ADGRB3: variants seen among roughly 807,000 people sequenced by gnomAD.
ADGRB3 encodes the protein brain-specific angiogenesis inhibitor 3.
In ADGRB3, 37 loss-of-function variants were observed where a neutral mutation model predicts 193.4. That is an observed-to-expected ratio of 0.19 (90% CI 0.15 to 0.25). The LOEUF (loss-of-function observed/expected upper bound fraction) is 0.25, where lower values mean the gene tolerates loss of function less well. Among genes scored for constraint, ADGRB3 ranks in the 10% least tolerant of loss-of-function variants. The pLI is 1.00. For synonymous variants in ADGRB3, 690 were observed against 644.2 expected (o/e 1.07, Z -1.08); for missense variants, 1,637 against 1,852.9 (o/e 0.88, Z 2.14).
At chr6:69,048,870 ATTAAG>A (rs1199806261) in intron 14 of ADGRB3, among the ~76,000 whole-genome samples, 1 of 152,162 alleles carries the variant, frequency 6.6e-6, no homozygotes. Context: ...TTGAGAAAAA[ATTAAG>A]TTTTTAGAAC....
intron 31 of ADGRB3, among the ~76,000 whole-genome samples, chr6:69,387,662 G>A (rs988922496): frequency 4.6e-5 from 7 of 151,922 alleles, no homozygotes; most frequent in Middle Eastern, 3.2e-3. Flanking sequence ...AGCCTCCCAC[G>A]TAGCTAGAAT....
chr6:69,351,258 A>G (rs1222234200), intron 26 of ADGRB3, among the ~76,000 whole-genome samples: 1 of 150,404 alleles, frequency 6.6e-6, no homozygotes, highest in Non-Finnish European at 1.5e-5. Context: ...ACGCCCTGCT[A>G]ATTTTTGTAT....
intron 17 of ADGRB3, among the ~76,000 whole-genome samples, chr6:69,200,838 T>C (rs551508175): frequency 6.6e-6 from 1 of 152,120 alleles, no homozygotes; most frequent in East Asian, 1.9e-4. Flanking sequence ...CAGGGAGAAA[T>C]AAAAGAAAAG....
At chr6:68,980,982 GTTATTA>G (rs1742323114) in intron 10 of ADGRB3, among the ~76,000 whole-genome samples, 1 of 151,546 alleles carries the variant, frequency 6.6e-6, no homozygotes, top group Non-Finnish European at 1.5e-5. Context: ...TTCAGTAACT[GTTATTA>G]TTATTACTAA....
chr6:68,678,855 A>T (rs1764826595), intron 3 of ADGRB3, among the ~76,000 whole-genome samples: 1 of 152,186 alleles, frequency 6.6e-6, no homozygotes, highest in South Asian at 2.1e-4. Context: ...AATAATGCTA[A>T]TAGTAGTAAT....
chr6:69,267,896 T>C (rs1197296512), intron 20 of ADGRB3, among the ~76,000 whole-genome samples: 3 of 152,106 alleles, frequency 2.0e-5, no homozygotes, highest in Non-Finnish European at 4.4e-5. Context: ...GGTTTCCAGT[T>C]TCCTGTTTCA....
chr6:68,788,100 A>C (rs932466335), intron 3 of ADGRB3, among the ~76,000 whole-genome samples: 2 of 152,272 alleles, frequency 1.3e-5, no homozygotes, highest in African/African-American at 4.8e-5. Flanking sequence ...CTTTTCAAAA[A>C]ACCAGCTCCT....
chr6:69,174,021 G>C (rs1362059773), intron 17 of ADGRB3, among the ~76,000 whole-genome samples: 1 of 152,164 alleles, frequency 6.6e-6, no homozygotes, highest in Non-Finnish European at 1.5e-5. Context: ...ATTACTTGCT[G>C]TAAAGTAGTA....
intron 5 of ADGRB3, among the ~76,000 whole-genome samples, chr6:68,943,149 T>C (rs1413109123): frequency 6.6e-6 from 1 of 152,164 alleles, no homozygotes; most frequent in African/African-American, 2.4e-5. Flanking sequence ...CATCTTCTGG[T>C]TTCATCGTCA....
intron 17 of ADGRB3, chr6:69,232,921 C>T (rs1321921282): frequency 2.1e-6 from 1 of 477,792 alleles, no homozygotes; most frequent in Non-Finnish European, 3.7e-6. Flanking sequence ...CTCTTTACAC[C>T]CTGAGTATTT....
chr6:68,795,029 C>A (rs540900050), intron 3 of ADGRB3, among the ~76,000 whole-genome samples: 7 of 152,020 alleles, frequency 4.6e-5, no homozygotes, highest in Middle Eastern at 3.4e-3. Flanking sequence ...TTGAGATGAT[C>A]TAAAATACAC....
intron 8 of ADGRB3, among the ~76,000 whole-genome samples, chr6:68,965,311 G>A (rs899664963): frequency 6.6e-6 from 1 of 152,142 alleles, no homozygotes; most frequent in Non-Finnish European, 1.5e-5. Context: ...AATTAGAGCT[G>A]TAAGTCATTG....
At chr6:69,043,286 A>AAT (rs1562134660) in intron 13 of ADGRB3, among the ~76,000 whole-genome samples, 4 of 124,144 alleles carry the variant, frequency 3.2e-5, no homozygotes, top group Non-Finnish European at 5.1e-5. Context: ...GAAAGGAAGA[A>AAT]AGAGAGAAAG....
At chr6:69,079,283 G>C (rs1772320150) in intron 17 of ADGRB3, among the ~76,000 whole-genome samples, 1 of 152,012 alleles carries the variant, frequency 6.6e-6, no homozygotes, top group Admixed American at 6.6e-5. Context: ...TAAATTCAAA[G>C]TGATTTTCTC....
At chr6:69,126,903 C>CT (rs985562085) in intron 17 of ADGRB3, among the ~76,000 whole-genome samples, 1 of 152,190 alleles carries the variant, frequency 6.6e-6, no homozygotes, top group East Asian at 1.9e-4. Context: ...TTAAAGGACT[C>CT]TTTTTCTCCT....
chr6:69,314,426 GAC>G (rs1768268377), intron 20 of ADGRB3, among the ~76,000 whole-genome samples: 2 of 151,460 alleles, frequency 1.3e-5, no homozygotes, highest in African/African-American at 4.8e-5. Flanking sequence ...ACTTTATATT[GAC>G]AGTTTCTTCT....
intron 6 of ADGRB3, among the ~76,000 whole-genome samples, chr6:68,947,839 A>C (rs1050239467): frequency 2.0e-5 from 3 of 152,124 alleles, no homozygotes; most frequent in Non-Finnish European, 4.4e-5. Flanking sequence ...TAGAAGTAGT[A>C]TGTTAACGCC....
intron 30 of ADGRB3, among the ~76,000 whole-genome samples, chr6:69,378,059 G>C (rs562120687): frequency 1.1e-4 from 16 of 152,058 alleles, no homozygotes; most frequent in African/African-American, 3.4e-4. Flanking sequence ...AAGGTATTCA[G>C]TATACATTTA....
intron 20 of ADGRB3, among the ~76,000 whole-genome samples, chr6:69,260,033 C>T (rs755396102): frequency 6.6e-6 from 1 of 152,056 alleles, no homozygotes; most frequent in Non-Finnish European, 1.5e-5. Context: ...TGTGTAAAGT[C>T]TGTTTTAATA....
Sources: allele counts gnomAD v4.1 joint callset (sites outside exome capture counted in the v4.1 genomes callset), GRCh38; gene constraint gnomAD v4.1.1; transcripts MANE v1.5; gene names NCBI Gene and HGNC (gene_info 2026-07-23, HGNC 2026-07-21).